DMRT1: variants seen among roughly 807,000 people sequenced by gnomAD.
DMRT1 encodes doublesex and mab-3 related transcription factor 1.
A neutral mutation model predicts 32.3 loss-of-function variants in DMRT1; 7 were observed. That is an observed-to-expected ratio of 0.22 (90% CI 0.12 to 0.41). DMRT1 has a LOEUF of 0.41. Ranked by LOEUF, DMRT1 falls within the 10% of genes least tolerant of loss-of-function variation. The pLI is 1.00. For missense variants in DMRT1, 625 were observed against 500.5 expected (o/e 1.25, Z -2.37); for synonymous variants, 278 against 206.1 (o/e 1.35, Z -2.99).
chr9:861,959 A>G (rs1815716815), intron 2 of DMRT1, among the ~76,000 whole-genome samples: 1 of 142,828 alleles, frequency 7.0e-6, no homozygotes, highest in Non-Finnish European at 1.5e-5. Flanking sequence ...GCGGGCAGAG[A>G]CGCTCCTCAC....
chr9:906,318 C>A (rs1407201799), intron 3 of DMRT1, among the ~76,000 whole-genome samples: 1 of 152,208 alleles, frequency 6.6e-6, no homozygotes, highest in East Asian at 1.9e-4. Context: ...CGTTGCCCTC[C>A]CGGCAGGCTC....
chr9:948,002 C>T (rs1481885951), intron 4 of DMRT1, among the ~76,000 whole-genome samples: 1 of 152,180 alleles, frequency 6.6e-6, no homozygotes, highest in Non-Finnish European at 1.5e-5. Flanking sequence ...TGCTGGAGCT[C>T]ACTGGGGTGA....
chr9:857,267 A>G (rs930843555), intron 2 of DMRT1, among the ~76,000 whole-genome samples: 13 of 152,116 alleles, frequency 8.5e-5, no homozygotes, highest in African/African-American at 3.1e-4. Context: ...AGATTGCTCC[A>G]CTGCACTCCA....
intron 2 of DMRT1, among the ~76,000 whole-genome samples, chr9:847,382 A>T (rs763403715): frequency 6.6e-6 from 1 of 152,254 alleles, no homozygotes; most frequent in Non-Finnish European, 1.5e-5. Flanking sequence ...GAGTCTGGAC[A>T]GAGAATGATG....
At chr9:918,782 A>T (rs373314692) in intron 4 of DMRT1, among the ~76,000 whole-genome samples, 37 of 152,352 alleles carry the variant, frequency 2.4e-4, no homozygotes, top group African/African-American at 7.9e-4. Flanking sequence ...GTGTACAAAT[A>T]CGTAGAAAAT....
intron 4 of DMRT1, among the ~76,000 whole-genome samples, chr9:921,126 G>A (rs551836820): frequency 6.6e-6 from 1 of 152,256 alleles, no homozygotes; most frequent in African/African-American, 2.4e-5. Flanking sequence ...CTGATTGCAA[G>A]GCACTTTCAT....
chr9:964,918 T>A (rs1328722953), intron 4 of DMRT1, among the ~76,000 whole-genome samples: 1 of 152,188 alleles, frequency 6.6e-6, no homozygotes, highest in East Asian at 1.9e-4. Flanking sequence ...GAGTTAGCAT[T>A]TTTACAAAAT....
intron 3 of DMRT1, among the ~76,000 whole-genome samples, chr9:908,583 G>C (rs1033832): frequency 0.77 from 117,198 of 151,764 alleles, 45,516 homozygotes; most frequent in East Asian, 0.91. Context: ...TTCCATGTGA[G>C]TTGTTTGTTT....
At chr9:937,184 C>G (rs1352492881) in intron 4 of DMRT1, among the ~76,000 whole-genome samples, 2 of 152,176 alleles carry the variant, frequency 1.3e-5, no homozygotes, top group Non-Finnish European at 2.9e-5. Flanking sequence ...ACCCTCATTC[C>G]TTTTTATGGC....
intron 2 of DMRT1, among the ~76,000 whole-genome samples, chr9:872,437 A>G (rs1266525911): frequency 1.3e-5 from 2 of 152,198 alleles, no homozygotes; most frequent in East Asian, 1.9e-4. Flanking sequence ...ATTTTAAAAC[A>G]TTCTCATACC....
chr9:842,269 C>A, intron 1 of DMRT1, 77 bp downstream of exon 1: 1 of 1,471,162 alleles, frequency 6.8e-7, no homozygotes, highest in South Asian at 1.3e-5. Flanking sequence ...GAGTCTCGCT[C>A]GGTTGCCCAG....
chr9:871,676 G>A (rs547353053), intron 2 of DMRT1, among the ~76,000 whole-genome samples: 8 of 148,236 alleles, frequency 5.4e-5, no homozygotes, highest in South Asian at 2.1e-4. Flanking sequence ...GGGTTTCACC[G>A]TGTTAGCCAG....
intron 4 of DMRT1, among the ~76,000 whole-genome samples, chr9:946,757 T>C (rs192867082): frequency 6.6e-6 from 1 of 152,322 alleles, no homozygotes; most frequent in East Asian, 1.9e-4. Flanking sequence ...GTGGGGACAA[T>C]TGTGTTTCCA....
At chr9:931,013 C>T (rs1378643380) in intron 4 of DMRT1, among the ~76,000 whole-genome samples, 4 of 152,172 alleles carry the variant, frequency 2.6e-5, no homozygotes, top group Non-Finnish European at 5.9e-5. Context: ...CATATTACTC[C>T]CATTTCTGCC....
intron 3 of DMRT1, among the ~76,000 whole-genome samples, chr9:906,426 A>G (rs1817780798): frequency 2.0e-5 from 3 of 152,194 alleles, no homozygotes; most frequent in Admixed American, 2.0e-4. Flanking sequence ...AATATAATCC[A>G]TATTTCTTAC....
intron 1 of DMRT1, among the ~76,000 whole-genome samples, chr9:846,632 G>A (rs1189268797): frequency 1.3e-5 from 2 of 152,156 alleles, no homozygotes; most frequent in African/African-American, 4.8e-5. Context: ...CCAGGCTGGA[G>A]TGCAGTGGTG....
chr9:861,108 AG>A (rs1815643573), intron 2 of DMRT1, among the ~76,000 whole-genome samples: 2 of 113,948 alleles, frequency 1.8e-5, no homozygotes, highest in South Asian at 6.0e-4. Flanking sequence ...TTTCTCGGAG[AG>A]GGGGATTTGG....
intron 3 of DMRT1, among the ~76,000 whole-genome samples, chr9:914,094 G>GC (rs1818085937): frequency 6.6e-6 from 1 of 152,130 alleles, no homozygotes; most frequent in Non-Finnish European, 1.5e-5. Context: ...ATCAAAAGAT[G>GC]CTGCAGTGCT....
At chr9:962,378 G>C (rs775608093) in intron 4 of DMRT1, among the ~76,000 whole-genome samples, 2 of 152,152 alleles carry the variant, frequency 1.3e-5, no homozygotes, top group Non-Finnish European at 2.9e-5. Flanking sequence ...TGAGGGGAGA[G>C]GAGGTACTTC....
Sources: gnomAD v4.1 joint callset for allele counts (sites outside exome capture counted in the v4.1 genomes callset) on GRCh38, gnomAD v4.1.1 for gene constraint, MANE v1.5 for transcripts, NCBI Gene and HGNC (gene_info 2026-07-23, HGNC 2026-07-21) for gene names.